The following CRHR2 variants were observed in gnomAD, a reference collection of about 807,000 sequenced individuals.
CRHR2 encodes the protein corticotropin releasing hormone receptor 2.
A neutral mutation model predicts 57.9 loss-of-function variants in CRHR2; 53 were observed. That is an observed-to-expected ratio of 0.92 (90% CI 0.73 to 1.15). The LOEUF is 1.15. Among genes scored for constraint, CRHR2 ranks in the 50% most tolerant of loss-of-function variants. CRHR2 has a pLI of 0.00. For synonymous variants in CRHR2, 213 were observed against 220.9 expected, an observed-to-expected ratio of 0.96 and a Z score of 0.32; for missense variants, 532 against 542.6, an observed-to-expected ratio of 0.98 and a Z score of 0.19.
At chr7:30,667,438 G>T in intron 2 of CRHR2, 125 bp from the exon 3 acceptor site, 1 of 675,360 alleles carries the variant, frequency 1.5e-6, no homozygotes, top group Non-Finnish European at 2.5e-6. Context: ...AATACAATGT[G>T]CATCTGAAAG....
intron 2 of CRHR2, among the ~76,000 whole-genome samples, chr7:30,678,297 C>T (rs986061145): frequency 1.3e-5 from 2 of 152,322 alleles, no homozygotes; most frequent in South Asian, 4.1e-4. Flanking sequence ...ACCTCAGTTT[C>T]CCCATGTGTA....
chr7:30,685,181 T>C (rs1784830637), upstream of CRHR2, among the ~76,000 whole-genome samples: 1 of 152,218 alleles, frequency 6.6e-6, no homozygotes, highest in South Asian at 2.1e-4. Context: ...CCACCTCTGA[T>C]GTCAGCTGCA....
chr7:30,655,236 GAT>G (rs1783737721), intron 10 of CRHR2, among the ~76,000 whole-genome samples, 156 bp from the exon 11 acceptor site: 2 of 152,282 alleles, frequency 1.3e-5, no homozygotes, highest in South Asian at 4.1e-4. Flanking sequence ...TCAGGGTGCA[GAT>G]ATTCCACGGT....
chr7:30,682,185 G>T lies in CRHR2; in HGVS notation c.96C>A (p.Asp32Glu). ...LLLDGWGPPL[D>E]PEGPYSYCNT... ...CGCTCGCCTCCCGCCTACCCTCGGGGTCCAGGGGTGGCCCCCAGCCGTCCA... is the reference window on the plus strand; with the variant it reads ...CGCTCGCCTCCCGCCTACCCTCGGGTTCCAGGGGTGGCCCCCAGCCGTCCA... The change falls in exon 1 of 12, where the codon GAC becomes GAA. Residue 32 changes from aspartate to glutamate, a missense_variant. By Grantham distance (45) the Asp-to-Glu change is conservative. Transcript: ENST00000471646. 1 of 1,581,868 alleles carries T rather than the reference G, an allele frequency of 6.3e-7. No homozygotes were observed.
Position 30,667,121 on chromosome 7 carries a change from A to T in CRHR2, c.315+107T>A. ...GGGGCAGGAGGTACAGAAGGGAGTGACTGGGTGACAAAAGGACTGGTCTGC... is the reference window on the plus strand; with the variant it reads ...GGGGCAGGAGGTACAGAAGGGAGTGTCTGGGTGACAAAAGGACTGGTCTGC... On this transcript the variant is annotated intron_variant, in intron 3 of 11. Transcript: ENST00000471646. The T allele has an allele frequency of 6.4e-6, 6 of 938,334 alleles. 1 individual carries two copies. The South Asian group carries it at 8.7e-5, about 14-fold the overall frequency. The allele number at this position is 938,334 out of a possible 1,614,324, so 58.1% of individuals were successfully genotyped here. A position where few individuals can be genotyped will look rare whatever the true frequency, so the allele number is the denominator to read the frequency against.
Position 30,652,072 on chromosome 7 carries a change from G to T in CRHR2, c.*1388C>A, listed in dbSNP as rs764339450. On this transcript the variant is annotated 3_prime_UTR_variant, in exon 12 of 12. Coordinates refer to ENST00000471646, the MANE Select transcript of CRHR2 (RefSeq NM_001883.5). This position sits in a 1 kb window ranked among gnomAD's most constrained non-coding sequence, Gnocchi z 4.4. ...TGTCAACTTAAAAATGTGCAAGACG[G>T]GATACATGATTTTTCAAAACTTATT... The T allele has an allele frequency of 6.6e-6, 1 of 152,212 alleles. No homozygotes were observed. Among genetic ancestry groups the T allele is most frequent in the Non-Finnish European group, 1.5e-5 (1 of 68,046 alleles). 9.4% of individuals were successfully genotyped at this position (152,212 alleles called of 1,614,324 possible). A position where few individuals can be genotyped will look rare whatever the true frequency, so the allele number is the denominator to read the frequency against.
chr7:30,680,125 G>C (rs1350587732), intron 2 of CRHR2, among the ~76,000 whole-genome samples: 3 of 152,176 alleles, frequency 2.0e-5, no homozygotes, highest in Non-Finnish European at 4.4e-5. Flanking sequence ...CAGCACCTTT[G>C]GGAAGTCTTC....
upstream of CRHR2, among the ~76,000 whole-genome samples, chr7:30,685,137 G>A (rs1468118176): frequency 6.6e-6 from 1 of 152,170 alleles, no homozygotes; most frequent in Non-Finnish European, 1.5e-5. Context: ...GAGTAAGGCA[G>A]GTGCCTCTGG....
In CRHR2 at chr7:30,656,021, A is replaced by G; in HGVS notation, c.832-9T>C. 1 of 1,301,114 alleles carries G rather than the reference A, an allele frequency of 7.7e-7. No homozygotes were observed. The highest frequency in any genetic ancestry group is 1.1e-6 in the Non-Finnish European group (1 of 911,364). The allele number at this position is 1,301,114 out of a possible 1,614,324, so 80.6% of individuals were successfully genotyped here. ...AGAAATACGAAATTGATCTGGAGGG[A>G]GGGCGGGCATGGGAAAGAGGGAAAA... On this transcript the variant is annotated splice_polypyrimidine_tract_variant and intron_variant, in intron 8 of 11. Transcript: ENST00000471646. This position sits in a 1 kb window ranked among gnomAD's most constrained non-coding sequence, Gnocchi z 4.4.
chr7:30,677,355 T>G (rs1784549793), intron 2 of CRHR2, among the ~76,000 whole-genome samples: 1 of 149,152 alleles, frequency 6.7e-6, no homozygotes, highest in African/African-American at 2.5e-5. Context: ...CTCAGAGGAG[T>G]CCGTGTGGAA....
At chr7:30,693,658 C>T (rs561437193) in intron 1 of CRHR2, among the ~76,000 whole-genome samples, 31 of 152,274 alleles carry the variant, frequency 2.0e-4, no homozygotes, top group Middle Eastern at 3.4e-3. Context: ...TATAGCCTGT[C>T]GGTTGGGAGA....
At chr7:30,686,302 G>T (rs1461452373), upstream of CRHR2, 15 of 1,403,724 alleles carry the variant, frequency 1.1e-5, no homozygotes, top group Non-Finnish European at 1.3e-5. Context: ...CAAGGGCAGG[G>T]CTGGTCCTGG....
At chr7:30,694,617 C>G (rs1785021602) in intron 1 of CRHR2, among the ~76,000 whole-genome samples, 1 of 152,160 alleles carries the variant, frequency 6.6e-6, no homozygotes, top group Admixed American at 6.5e-5. Context: ...GGTGAGCTCC[C>G]TCCCTGCTTT....
chr7:30,657,783 T>G lies in CRHR2; in HGVS notation c.832-1771A>C, dbSNP rs182426425. 1.3e-4 allele frequency among the ~76,000 whole-genome samples: 20 copies of G among 152,234 alleles called. 1 individual carries two copies. In the East Asian group the frequency reaches 3.5e-3, roughly 26 times the overall value. The stretch of plus-strand genomic sequence containing the variant: ...ATCCATCCGTCCATCCATCCATCCA[T>G]CCAGCCATTCATCCATTCATCCTTC... On this transcript the variant is annotated intron_variant, in intron 8 of 11. Coordinates refer to ENST00000471646, the MANE Select transcript of CRHR2 (RefSeq NM_001883.5).
intron 7 of CRHR2, 115 bp from the exon 8 acceptor site, chr7:30,660,760 G>T: frequency 1.0e-6 from 1 of 960,578 alleles, no homozygotes; most frequent in Non-Finnish European, 1.6e-6. Context: ...CTCCAGGACT[G>T]CCCCTTCCCA....
chr7:30,695,412 G>A (rs1421741689), intron 1 of CRHR2, among the ~76,000 whole-genome samples: 3 of 151,954 alleles, frequency 2.0e-5, no homozygotes, highest in Non-Finnish European at 4.4e-5. Context: ...CAGCTCCCCC[G>A]GGAGGCTTTA....
At chr7:30,675,201 G>A (rs1393092439) in intron 2 of CRHR2, among the ~76,000 whole-genome samples, 1 of 152,148 alleles carries the variant, frequency 6.6e-6, no homozygotes, top group Non-Finnish European at 1.5e-5. Context: ...GCAGTCAGAG[G>A]GGCCCAAATG....
intron 2 of CRHR2, among the ~76,000 whole-genome samples, chr7:30,675,900 G>T (rs1784500731): frequency 1.3e-5 from 2 of 152,188 alleles, no homozygotes; most frequent in African/African-American, 2.4e-5. Context: ...AATTCTTTCT[G>T]GGGGAAAGGG....
At chr7:30,699,262 C>A (rs918008929) in intron 1 of CRHR2, among the ~76,000 whole-genome samples, 1 of 152,230 alleles carries the variant, frequency 6.6e-6, no homozygotes, top group Non-Finnish European at 1.5e-5. Flanking sequence ...TCCCCACCTT[C>A]CATCGGTGGC....
Sources: allele counts gnomAD v4.1 joint callset (sites outside exome capture counted in the v4.1 genomes callset), GRCh38; gene constraint gnomAD v4.1.1; non-coding constraint Gnocchi (gnomAD v3.1); transcripts MANE v1.5; gene names NCBI Gene and HGNC (gene_info 2026-07-23, HGNC 2026-07-21).